The following PLPP1 variants were observed in gnomAD, a reference collection of about 807,000 sequenced individuals.
PLPP1 encodes the protein lipid phosphate phosphohydrolase 1a.
A neutral mutation model predicts 31.2 loss-of-function variants in PLPP1; 24 were observed. The observed-to-expected ratio is 0.77, with a 90% CI of 0.56 to 1.08. The LOEUF (loss-of-function observed/expected upper bound fraction) is 1.08. Among genes scored for constraint, PLPP1 ranks in the 50% least tolerant of loss-of-function variants. The pLI is 0.00. For missense variants in PLPP1, 319 were observed against 342.7 expected, an observed-to-expected ratio of 0.93 and a Z score of 0.55; for synonymous variants, 146 against 126.3, an observed-to-expected ratio of 1.16 and a Z score of -1.05.
intron 4 of PLPP1, among the ~76,000 whole-genome samples, chr5:55,436,146 G>T (rs1354663183): frequency 1.3e-5 from 2 of 152,084 alleles, no homozygotes; most frequent in Non-Finnish European, 2.9e-5. Context: ...TTCAAGCCCA[G>T]AAAGGAGGGT....
At chr5:55,512,786 G>C (rs1753466631) in intron 1 of PLPP1, among the ~76,000 whole-genome samples, 1 of 151,970 alleles carries the variant, frequency 6.6e-6, no homozygotes, top group Admixed American at 6.6e-5. Flanking sequence ...TCCTCTAATG[G>C]AAAAGTAATT....
chr5:55,515,888 G>A (rs1315734121), intron 1 of PLPP1, among the ~76,000 whole-genome samples: 6 of 152,070 alleles, frequency 3.9e-5, no homozygotes, highest in Non-Finnish European at 7.4e-5. Context: ...ATTCTCAAAA[G>A]TCTGACCATT....
chr5:55,444,739 TA>T (rs1751712032), intron 3 of PLPP1, among the ~76,000 whole-genome samples: 1 of 16,178 alleles, frequency 6.2e-5, no homozygotes, highest in Non-Finnish European at 1.9e-4. Flanking sequence ...AATGGGATTC[TA>T]TTTTGTGTGT....
intron 1 of PLPP1, among the ~76,000 whole-genome samples, chr5:55,529,269 G>GTATATATA (rs34583149): frequency 6.6e-6 from 1 of 150,724 alleles, no homozygotes; most frequent in Non-Finnish European, 1.5e-5. Context: ...ACACACAAAA[G>GTATATATA]TATATATATA....
In PLPP1 at chr5:55,469,526, AC is replaced by A. The variant is rs1163011580; in HGVS notation, c.211-1378del. Among the ~76,000 whole-genome samples the A allele has an allele frequency of 6.7e-5, 9 of 134,458 alleles. No individual in the cohort carries two copies. In the South Asian group the frequency reaches 7.5e-4, roughly 11 times the overall value. The allele number at this position is 134,458 out of a possible 152,430, so 88.2% of individuals were successfully genotyped here. A position where few individuals can be genotyped will look rare whatever the true frequency, so the allele number is the denominator to read the frequency against. On this transcript the variant is annotated intron_variant, in intron 2 of 5. Transcript: ENST00000307259. ...TAATAAAAATTAAAAAAAAAAAAAA[AC>A]CACTTAACCACAGAGCAGCCTGAAC...
At chr5:55,427,134 A>G (rs1751222045) in intron 4 of PLPP1, among the ~76,000 whole-genome samples, 2 of 152,148 alleles carry the variant, frequency 1.3e-5, no homozygotes, top group African/African-American at 4.8e-5. Context: ...TCCAATAACA[A>G]TATAATTTAT....
intron 1 of PLPP1, among the ~76,000 whole-genome samples, chr5:55,487,837 A>G (rs1337771857): frequency 1.3e-5 from 2 of 152,208 alleles, no homozygotes; most frequent in African/African-American, 2.4e-5. Flanking sequence ...TTAAAAATAA[A>G]TTGGCATTAG....
chr5:55,462,419 TG>T (rs1392811513), intron 3 of PLPP1, among the ~76,000 whole-genome samples: 1 of 152,200 alleles, frequency 6.6e-6, no homozygotes, highest in African/African-American at 2.4e-5. Context: ...TAAATAATGT[TG>T]GAACAACCAG....
intron 1 of PLPP1, among the ~76,000 whole-genome samples, chr5:55,485,429 A>C (rs527327758): frequency 2.0e-5 from 3 of 152,184 alleles, no homozygotes; most frequent in Non-Finnish European, 4.4e-5. Context: ...CAAGGAGTGA[A>C]GTTTGATTTA....
intron 5 of PLPP1, 82 bp downstream of exon 5, chr5:55,425,781 G>A: frequency 1.6e-6 from 2 of 1,215,718 alleles, no homozygotes; most frequent in African/African-American, 2.3e-5. Context: ...CTCAGCTGGG[G>A]ATTTTTTGGA....
chr5:55,527,972 C>T (rs927702619), intron 1 of PLPP1, among the ~76,000 whole-genome samples: 1 of 152,146 alleles, frequency 6.6e-6, no homozygotes, highest in Admixed American at 6.5e-5. Flanking sequence ...AGTTGATGTA[C>T]CCCATGTAAT....
chr5:55,513,789 G>A (rs560129167), intron 1 of PLPP1, among the ~76,000 whole-genome samples: 1 of 152,258 alleles, frequency 6.6e-6, no homozygotes, highest in East Asian at 1.9e-4. Context: ...AGCCAAGCAT[G>A]GCAGTGCACA....
intron 1 of PLPP1, among the ~76,000 whole-genome samples, chr5:55,526,671 G>A (rs1015956838): frequency 1.3e-5 from 2 of 152,098 alleles, no homozygotes; most frequent in Non-Finnish European, 2.9e-5. Flanking sequence ...GGTGGCTCAC[G>A]CCTGTAATCC....
At chr5:55,529,441 A>AGCT (rs1214843363) in intron 1 of PLPP1, among the ~76,000 whole-genome samples, 5 of 152,154 alleles carry the variant, frequency 3.3e-5, no homozygotes, top group Non-Finnish European at 7.4e-5. Flanking sequence ...GAGGCCAAAG[A>AGCT]GCTGCTATTC....
chr5:55,456,934 G>A (rs1752026253), intron 3 of PLPP1, among the ~76,000 whole-genome samples: 1 of 152,092 alleles, frequency 6.6e-6, no homozygotes, highest in Non-Finnish European at 1.5e-5. Context: ...GGCTAAGGTG[G>A]GCAGATCATG....
At chr5:55,527,541 C>A (rs13167199) in intron 1 of PLPP1, among the ~76,000 whole-genome samples, 1 of 152,116 alleles carries the variant, frequency 6.6e-6, no homozygotes, top group African/African-American at 2.4e-5. Flanking sequence ...AATGCAGAAA[C>A]GGAAGCTACC....
intron 4 of PLPP1, among the ~76,000 whole-genome samples, chr5:55,429,869 C>T (rs144522951): frequency 5.3e-4 from 80 of 152,206 alleles, no homozygotes; most frequent in African/African-American, 1.8e-3. Flanking sequence ...GTGCATGCTC[C>T]CAACCCACCT....
intron 1 of PLPP1, among the ~76,000 whole-genome samples, chr5:55,476,178 TTTTG>T (rs762019326): frequency 2.9e-4 from 44 of 151,526 alleles, no homozygotes; most frequent in South Asian, 4.2e-4. Context: ...TTTTTTTGTT[TTTTG>T]TTTGTTTGTT....
intron 3 of PLPP1, among the ~76,000 whole-genome samples, chr5:55,462,972 CA>C (rs35024647): frequency 5.7e-5 from 8 of 141,270 alleles, no homozygotes; most frequent in African/African-American, 1.3e-4. Flanking sequence ...GACTCCATCT[CA>C]AAAAAAAAAG....
Sources: gnomAD v4.1 joint callset for allele counts (sites outside exome capture counted in the v4.1 genomes callset) on GRCh38, gnomAD v4.1.1 for gene constraint, MANE v1.5 for transcripts, NCBI Gene and HGNC (gene_info 2026-07-23, HGNC 2026-07-21) for gene names.